NR6A1: variants seen among roughly 807,000 people sequenced by gnomAD.
NR6A1 encodes retinoic acid receptor-related testis-associated receptor.
Under a neutral mutation model 59.1 loss-of-function variants are expected in NR6A1, and 7 were observed. The observed-to-expected ratio is 0.12, with a 90% confidence interval of 0.07 to 0.22. The LOEUF (loss-of-function observed/expected upper bound fraction) is 0.22, where lower values mean the gene tolerates loss of function less well. Ranked by LOEUF, NR6A1 falls within the 10% of genes least tolerant of loss-of-function variation. The pLI is 1.00. For synonymous variants in NR6A1, 243 were observed against 236.1 expected (o/e 1.03, Z -0.27); for missense variants, 468 against 611.6 (o/e 0.77, Z 2.48).
intron 6 of NR6A1, among the ~76,000 whole-genome samples, chr9:124,537,814 AGCACCTG>A (rs1833315695): frequency 6.6e-6 from 1 of 152,158 alleles, no homozygotes; most frequent in Admixed American, 6.5e-5. Context: ...GACCCATCCC[AGCACCTG>A]GCTTACCTAG....
intron 2 of NR6A1, among the ~76,000 whole-genome samples, chr9:124,575,560 C>A (rs566145789): frequency 6.6e-6 from 1 of 152,014 alleles, no homozygotes; most frequent in Non-Finnish European, 1.5e-5. Flanking sequence ...GGTGACAGAT[C>A]GAGACTCTGT....
At chr9:124,576,013 C>T (rs1834580286) in intron 2 of NR6A1, among the ~76,000 whole-genome samples, 1 of 152,174 alleles carries the variant, frequency 6.6e-6, no homozygotes, top group Admixed American at 6.5e-5. Context: ...CTAATTCTTG[C>T]ATGCCTGGGG....
intron 2 of NR6A1, among the ~76,000 whole-genome samples, chr9:124,698,998 T>C (rs1020114874): frequency 6.6e-6 from 1 of 152,130 alleles, no homozygotes; most frequent in Non-Finnish European, 1.5e-5. Context: ...TCGCTTGAAA[T>C]ACAAGAGTCA....
intron 1 of NR6A1, among the ~76,000 whole-genome samples, chr9:124,754,189 A>G (rs889630657): frequency 2.0e-5 from 3 of 152,202 alleles, no homozygotes; most frequent in Non-Finnish European, 2.9e-5. Flanking sequence ...AAGAAAAGGA[A>G]CACCAACTGA....
chr9:124,572,980 G>T (rs1286391631), intron 2 of NR6A1, among the ~76,000 whole-genome samples: 1 of 152,216 alleles, frequency 6.6e-6, no homozygotes, highest in Non-Finnish European at 1.5e-5. Flanking sequence ...TGTGCAACAC[G>T]AGACTTCATG....
intron 2 of NR6A1, among the ~76,000 whole-genome samples, chr9:124,655,861 T>C (rs1424055623): frequency 6.6e-6 from 1 of 152,178 alleles, no homozygotes; most frequent in African/African-American, 2.4e-5. Flanking sequence ...AAAAACTGTC[T>C]TGATAGCAAA....
chr9:124,554,205 A>T, intron 3 of NR6A1, 123 bp downstream of exon 3: 1 of 1,441,674 alleles, frequency 6.9e-7, no homozygotes, highest in Admixed American at 1.9e-5. Context: ...ATTTTTGGTT[A>T]TGAGTACAAA....
chr9:124,683,094 T>C (rs1838220736), intron 2 of NR6A1, among the ~76,000 whole-genome samples: 1 of 151,844 alleles, frequency 6.6e-6, no homozygotes, highest in African/African-American at 2.4e-5. Flanking sequence ...CCCAGTAACT[T>C]GGGAAGCTGA....
At chr9:124,716,530 G>A (rs1056617874) in intron 2 of NR6A1, among the ~76,000 whole-genome samples, 2 of 152,168 alleles carry the variant, frequency 1.3e-5, no homozygotes, top group Non-Finnish European at 2.9e-5. Context: ...CACAGACTAG[G>A]AGAAAATATT....
At chr9:124,591,315 G>C (rs1835117498) in intron 2 of NR6A1, among the ~76,000 whole-genome samples, 1 of 152,208 alleles carries the variant, frequency 6.6e-6, no homozygotes, top group African/African-American at 2.4e-5. Flanking sequence ...GGTCCTGTGA[G>C]ATAGGTATTA....
chr9:124,710,410 T>A (rs189614231), intron 2 of NR6A1, among the ~76,000 whole-genome samples: 2 of 151,932 alleles, frequency 1.3e-5, no homozygotes, highest in African/African-American at 4.8e-5. Context: ...CACACACACA[T>A]ACACACACAA....
chr9:124,524,577 C>T, intron 9 of NR6A1, 144 bp downstream of exon 9: 2 of 829,078 alleles, frequency 2.4e-6, no homozygotes, highest in Non-Finnish European at 3.7e-6. Context: ...TTATAACAGA[C>T]CTTTTTTGAG....
chr9:124,717,971 G>A (rs554312572), intron 2 of NR6A1, among the ~76,000 whole-genome samples: 34 of 152,336 alleles, frequency 2.2e-4, no homozygotes, highest in African/African-American at 7.2e-4. Flanking sequence ...CTTTTGTCTT[G>A]TATTTCCACA....
At chr9:124,705,946 T>C (rs1325981811) in intron 2 of NR6A1, among the ~76,000 whole-genome samples, 1 of 152,184 alleles carries the variant, frequency 6.6e-6, no homozygotes, top group Non-Finnish European at 1.5e-5. Context: ...CGTCTAATTT[T>C]TGTATTTTTA....
chr9:124,596,715 CAG>C (rs1265116254), intron 2 of NR6A1, among the ~76,000 whole-genome samples: 2 of 152,194 alleles, frequency 1.3e-5, no homozygotes, highest in African/African-American at 2.4e-5. Context: ...CAGCACGCAG[CAG>C]AGTGTATAAC....
intron 2 of NR6A1, among the ~76,000 whole-genome samples, chr9:124,575,847 A>T (rs1834574937): frequency 6.6e-6 from 1 of 152,206 alleles, no homozygotes; most frequent in South Asian, 2.1e-4. Context: ...TATTGATATC[A>T]TATTGTCACC....
chr9:124,748,228 A>G (rs542130860), intron 1 of NR6A1, among the ~76,000 whole-genome samples: 1 of 152,192 alleles, frequency 6.6e-6, no homozygotes, highest in Non-Finnish European at 1.5e-5. Context: ...CTCTGTACTT[A>G]GATTTTCTCC....
intron 1 of NR6A1, among the ~76,000 whole-genome samples, chr9:124,765,825 C>A (rs140504180): frequency 6.6e-6 from 1 of 152,138 alleles, no homozygotes; most frequent in Non-Finnish European, 1.5e-5. Flanking sequence ...GAATGAAGAA[C>A]GAAATACCGT....
At chr9:124,599,719 CAA>C (rs1395031941) in intron 2 of NR6A1, 1 of 489,746 alleles carries the variant, frequency 2.0e-6, no homozygotes, top group African/African-American at 2.2e-5. Flanking sequence ...AGTTAACCAC[CAA>C]GAGATTGTTT....
Sources: gnomAD v4.1 joint callset for allele counts (sites outside exome capture counted in the v4.1 genomes callset) on GRCh38, gnomAD v4.1.1 for gene constraint, MANE v1.5 for transcripts, NCBI Gene and HGNC (gene_info 2026-07-23, HGNC 2026-07-21) for gene names.